ERBB4: variants seen among roughly 807,000 people sequenced by gnomAD.
ERBB4 encodes the protein erb-b2 receptor tyrosine kinase 4.
ERBB4 carries 42 observed loss-of-function variants against 158.0 expected under a neutral mutation model. That is an observed-to-expected ratio of 0.27 (90% CI 0.21 to 0.34). The LOEUF (loss-of-function observed/expected upper bound fraction) is 0.34, where lower values mean the gene tolerates loss of function less well. Among genes scored for constraint, ERBB4 ranks in the 10% least tolerant of loss-of-function variants. The probability of loss-of-function intolerance (pLI) is 1.00; values close to 1 mark genes in which losing one functional copy is unlikely to be tolerated. For synonymous variants in ERBB4, 583 were observed against 558.7 expected, an observed-to-expected ratio of 1.04 and a Z score of -0.61; for missense variants, 1,333 against 1,624.1, an observed-to-expected ratio of 0.82 and a Z score of 3.08.
At chr2:212,421,054 A>ACAAATTTTTT (rs1445224719) in intron 1 of ERBB4, among the ~76,000 whole-genome samples, 2 of 152,080 alleles carry the variant, frequency 1.3e-5, no homozygotes, top group Non-Finnish European at 2.9e-5. Context: ...GTTTGTGGTG[A>ACAAATTTTTT]TGTTTTTTAT....
intron 2 of ERBB4, among the ~76,000 whole-genome samples, chr2:212,113,121 C>A (rs1239517877): frequency 1.3e-5 from 2 of 151,848 alleles, no homozygotes; most frequent in Admixed American, 1.3e-4. Context: ...AAATACAGAT[C>A]GAATTTGGGG....
At chr2:212,028,714 T>C (rs552895479) in intron 2 of ERBB4, among the ~76,000 whole-genome samples, 47 of 152,256 alleles carry the variant, frequency 3.1e-4, no homozygotes, top group Non-Finnish European at 4.6e-4. Context: ...TTTTCCACCC[T>C]TTAAAAGCTC....
At chr2:211,777,132 A>G (rs1294918410) in intron 4 of ERBB4, 3 of 152,212 alleles carry the variant, frequency 2.0e-5, no homozygotes, top group Non-Finnish European at 4.4e-5. Context: ...GTGGGGGTAC[A>G]TGCATGAGCG....
intron 1 of ERBB4, among the ~76,000 whole-genome samples, chr2:212,212,074 A>G (rs1351281452): frequency 6.6e-6 from 1 of 152,076 alleles, no homozygotes; most frequent in Non-Finnish European, 1.5e-5. Context: ...TTGGGTATAT[A>G]CCCAGTAATG....
At chr2:211,638,096 T>TAA (rs2070428533) in intron 16 of ERBB4, among the ~76,000 whole-genome samples, 1 of 152,162 alleles carries the variant, frequency 6.6e-6, no homozygotes, top group Non-Finnish European at 1.5e-5. Context: ...GTAAAGTTTA[T>TAA]AAGTGACATT....
intron 20 of ERBB4, among the ~76,000 whole-genome samples, chr2:211,559,278 C>A (rs2067321414): frequency 6.6e-6 from 1 of 152,172 alleles, no homozygotes; most frequent in Non-Finnish European, 1.5e-5. Flanking sequence ...TCTTATATCG[C>A]CTCAATCTAA....
At chr2:211,541,220 T>A (rs899507572) in intron 20 of ERBB4, among the ~76,000 whole-genome samples, 9 of 152,092 alleles carry the variant, frequency 5.9e-5, no homozygotes, top group Non-Finnish European at 5.9e-5. Flanking sequence ...AGAGCTTTGA[T>A]AAGCTATAAA....
At chr2:212,463,576 A>G (rs1312629179) in intron 1 of ERBB4, among the ~76,000 whole-genome samples, 1 of 152,016 alleles carries the variant, frequency 6.6e-6, no homozygotes, top group Non-Finnish European at 1.5e-5. Flanking sequence ...GTTAAACTTT[A>G]TTTATACCTG....
At chr2:211,857,177 T>TGTGTG (rs550969154) in intron 3 of ERBB4, among the ~76,000 whole-genome samples, 5 of 147,094 alleles carry the variant, frequency 3.4e-5, no homozygotes, top group African/African-American at 1.3e-4. Context: ...GTGTGTGTGT[T>TGTGTG]TGTGTGTCTT....
chr2:211,992,757 G>A (rs1035803482), intron 2 of ERBB4, among the ~76,000 whole-genome samples: 4 of 152,132 alleles, frequency 2.6e-5, no homozygotes, highest in Non-Finnish European at 4.4e-5. Flanking sequence ...GAAATCATTT[G>A]AGTTTCCCTC....
At chr2:211,769,367 A>G (rs2075635070) in intron 4 of ERBB4, among the ~76,000 whole-genome samples, 1 of 152,154 alleles carries the variant, frequency 6.6e-6, no homozygotes, top group South Asian at 2.1e-4. Context: ...CAAACAGGGA[A>G]ACAATCTCTG....
In ERBB4 at chr2:211,968,120, A is replaced by C. The variant is rs114972116; in HGVS notation, c.235-20504T>G. 1.1e-3 allele frequency among the ~76,000 whole-genome samples: 171 copies of C among 152,146 alleles called. 1 individual carries two copies. The highest frequency in any genetic ancestry group is 3.5e-3 in the African/African-American group (145 of 41,582). On this transcript the variant is annotated intron_variant, in intron 2 of 27. Transcript: ENST00000342788. ...TGTAATAAACTTTTCAAACTACTTT[A>C]AAAAGCCATTTTCTTGGGCTTTTCC... is the stretch of plus-strand genomic sequence containing the variant.
intron 2 of ERBB4, among the ~76,000 whole-genome samples, chr2:212,101,515 A>C (rs2079082549): frequency 6.6e-6 from 1 of 151,798 alleles, no homozygotes; most frequent in Non-Finnish European, 1.5e-5. Context: ...GTGAGGAAAC[A>C]CGCATACCAC....
At chr2:211,581,573 A>T (rs1390739038) in intron 19 of ERBB4, among the ~76,000 whole-genome samples, 2 of 152,136 alleles carry the variant, frequency 1.3e-5, no homozygotes, top group African/African-American at 4.8e-5. Flanking sequence ...TTCAACTCTC[A>T]TTCTCTGTAG....
At chr2:211,695,661 C>A (rs1034619015) in intron 12 of ERBB4, among the ~76,000 whole-genome samples, 2 of 152,014 alleles carry the variant, frequency 1.3e-5, no homozygotes, top group Non-Finnish European at 2.9e-5. Flanking sequence ...ACTAATATTC[C>A]TTCCATATCT....
chr2:211,723,755 C>T (rs1056076637), intron 6 of ERBB4, among the ~76,000 whole-genome samples: 1 of 152,126 alleles, frequency 6.6e-6, no homozygotes, highest in African/African-American at 2.4e-5. Flanking sequence ...CAATGCTGTA[C>T]ACAGATTGCT....
At chr2:211,829,563 T>A (rs997295195) in intron 3 of ERBB4, among the ~76,000 whole-genome samples, 2 of 152,170 alleles carry the variant, frequency 1.3e-5, no homozygotes, top group Non-Finnish European at 2.9e-5. Flanking sequence ...TACTTGTTTA[T>A]CATCTGCTTC....
chr2:212,119,217 C>G (rs2079667926), intron 2 of ERBB4, among the ~76,000 whole-genome samples: 1 of 152,000 alleles, frequency 6.6e-6, no homozygotes. Context: ...AAATTATTAC[C>G]CGTTATAGCA....
rs528464463 is a variant in ERBB4 at position 211,810,943 on chromosome 2, G to A, written c.422-22784C>T. On this transcript the variant is annotated intron_variant, in intron 3 of 27. Transcript: ENST00000342788. ...CCCGCCTCGGCCTCCCAAAGTGCTG[G>A]GATTACAGGCGTGAGCCACCGCGCC... Among the ~76,000 whole-genome samples, 73 of 152,126 alleles carry A rather than the reference G, an allele frequency of 4.8e-4. 2 individuals are homozygous for A. Among genetic ancestry groups the A allele is most frequent in the African/African-American group, 1.7e-3 (70 of 41,520 alleles).
Sources: allele counts gnomAD v4.1 joint callset (sites outside exome capture counted in the v4.1 genomes callset), GRCh38; gene constraint gnomAD v4.1.1; transcripts MANE v1.5; gene names NCBI Gene and HGNC (gene_info 2026-07-23, HGNC 2026-07-21).